EIF5A: variants seen among roughly 807,000 people sequenced by gnomAD.
The protein encoded by EIF5A is eukaryotic translation initiation factor 5A.
In EIF5A, 1 loss-of-function variant was observed where a neutral mutation model predicts 16.6. The observed-to-expected ratio is 0.06, with a 90% CI of 0.02 to 0.28. EIF5A has a LOEUF of 0.28. EIF5A is among the 10% of genes least tolerant of loss of function. The probability of loss-of-function intolerance (pLI) is 1.00; values close to 1 mark genes in which losing one functional copy is unlikely to be tolerated. For synonymous variants in EIF5A, 80 were observed against 73.6 expected (o/e 1.09, Z -0.44); for missense variants, 29 against 196.1 (o/e 0.15, Z 5.09).
rs891726130 is a variant in EIF5A, at chr17:7,311,394, C to T, written c.315C>T (p.Ser105=). Residue 105 remains serine, a synonymous_variant, in exon 4 of 6, where the codon AGC becomes AGT. Transcript: ENST00000336458. The part of the protein sequence containing the change: ...QDGYLSLLQD[S]GEVREDLRLP... ...GGTACCTATCACTGCTCCAGGACAG[C>T]GGGGAGGTACGAGAGGACCTTCGTC... is the stretch of plus-strand genomic sequence containing the variant. The T allele has an allele frequency of 1.2e-5, 20 of 1,613,984 alleles. No homozygotes were observed. Among genetic ancestry groups the T allele is most frequent in the East Asian group, 1.1e-4 (5 of 44,892 alleles).
At chr17:7,307,080 A>T (rs771109127), upstream of EIF5A, 21 of 1,604,044 alleles carry the variant, frequency 1.3e-5, no homozygotes, top group East Asian at 3.8e-4. Flanking sequence ...TTCCAAGACA[A>T]GGCGCCCACC....
chr17:7,309,930 G>C (rs137980611), intron 2 of EIF5A, 130 bp downstream of exon 2: 1 of 1,579,712 alleles, frequency 6.3e-7, no homozygotes, highest in Non-Finnish European at 8.6e-7. Flanking sequence ...TTTGTTTAGC[G>C]CTCAGCCTTC....
rs966224253 is a variant in EIF5A at position 7,310,612 on chromosome 17, C to T, written c.166-406C>T. The T allele has an allele frequency of 1.2e-5, 12 of 985,250 alleles. No individual in the cohort carries two copies. The African/African-American group carries it at 1.7e-4, about 14-fold the overall frequency. The allele number at this position is 985,250 out of a possible 1,614,324, so 61.0% of individuals were successfully genotyped here. A position where few individuals can be genotyped will look rare whatever the true frequency, so the allele number is the denominator to read the frequency against. On this transcript the variant is annotated intron_variant, in intron 2 of 5. Coordinates refer to ENST00000336458, the MANE Select transcript of EIF5A (RefSeq NM_001970.5). ...TGCAAGTCCTTTTCTTCAGCTCTTT[C>T]ACATTTCTTAGTTTCTTATCCTTTC...
rs966194533 is a variant in EIF5A, at chr17:7,310,791, T to C, written c.166-227T>C. 3.0e-6 allele frequency: 3 copies of C among 985,278 alleles called. No individual in the cohort carries two copies. The African/African-American group carries it at 5.2e-5, about 17-fold the overall frequency. The allele number at this position is 985,278 out of a possible 1,614,324, so 61.0% of individuals were successfully genotyped here. ...TGTCTTCTCCAAGCCTGCCATGCAGTTTTCTATTGTGCTGTCAACCCCAAT... is the reference window on the plus strand; with the variant it reads ...TGTCTTCTCCAAGCCTGCCATGCAGCTTTCTATTGTGCTGTCAACCCCAAT... On this transcript the variant is annotated intron_variant, in intron 2 of 5. Coordinates refer to ENST00000336458, the MANE Select transcript of EIF5A (RefSeq NM_001970.5).
chr17:7,310,417 G>C (rs1047609401), intron 2 of EIF5A: 2 of 1,181,830 alleles, frequency 1.7e-6, no homozygotes, highest in African/African-American at 3.2e-5. Flanking sequence ...TGTCTCTTTA[G>C]AATTTCAACC....
At chr17:7,308,248 C>T in intron 1 of EIF5A, 2 of 1,042,496 alleles carry the variant, frequency 1.9e-6, no homozygotes, top group Non-Finnish European at 2.3e-6. Context: ...AAGTGCCCCC[C>T]ACGGGAGGCT....
chr17:7,307,037 T>A, upstream of EIF5A: 1 of 1,589,146 alleles, frequency 6.3e-7, no homozygotes, highest in South Asian at 1.2e-5. Context: ...CGGAAAGACA[T>A]CTCCCGCGCA....
chr17:7,307,681 C>T lies in EIF5A; in HGVS notation c.-93C>T. 2.9e-6 allele frequency: 3 copies of T among 1,048,192 alleles called. No homozygotes were observed. Among genetic ancestry groups the T allele is most frequent in the Non-Finnish European group, 3.4e-6 (3 of 870,634 alleles). 64.9% of individuals were successfully genotyped at this position (1,048,192 alleles called of 1,614,324 possible). On this transcript the variant is annotated 5_prime_UTR_variant, in exon 1 of 6. Transcript: ENST00000336458. Reference sequence around the variant, plus strand: ...GCGGCGGTAGAGGCGGCGGCGGCGGCGGCAGCGGGCTCGGAGGCAGCGGTT... The same window carrying T: ...GCGGCGGTAGAGGCGGCGGCGGCGGTGGCAGCGGGCTCGGAGGCAGCGGTT...
intron 1 of EIF5A, among the ~76,000 whole-genome samples, chr17:7,309,051 C>T (rs967770351): frequency 1.3e-5 from 2 of 151,834 alleles, no homozygotes; most frequent in Middle Eastern, 3.4e-3. Flanking sequence ...TGGCTTGTTG[C>T]AAGTGCATGT....
chr17:7,311,699 C>T, intron 5 of EIF5A, 48 bp downstream of exon 5: 1 of 1,609,798 alleles, frequency 6.2e-7, no homozygotes, highest in Non-Finnish European at 8.5e-7. Flanking sequence ...TTGTTGTCCT[C>T]AGCAGAGCTG....
chr17:7,311,809 C>A lies in EIF5A; in HGVS notation c.*12-13C>A. The A allele has an allele frequency of 9.7e-7, 1 of 1,031,780 alleles. No individual in the cohort carries two copies. Among genetic ancestry groups the A allele is most frequent in the Non-Finnish European group, 1.4e-6 (1 of 699,902 alleles). 63.9% of individuals were successfully genotyped at this position (1,031,780 alleles called of 1,614,324 possible). A position where few individuals can be genotyped will look rare whatever the true frequency, so the allele number is the denominator to read the frequency against. ...GTATTATCCTGTCTTACTAATTTCT[C>A]TCTCCTACCTAGGGTGGCGGTGGTG... is the stretch of plus-strand genomic sequence containing the variant. On this transcript the variant is annotated splice_polypyrimidine_tract_variant and intron_variant, in intron 5 of 5. Transcript: ENST00000336458.
At chr17:7,309,581 T>TGC (rs1174896981) in intron 1 of EIF5A, 34 bp from the exon 2 acceptor site, 5 of 1,612,990 alleles carry the variant, frequency 3.1e-6, no homozygotes, top group Non-Finnish European at 4.2e-6. Context: ...TTGACCTCCA[T>TGC]GCTTATTCAC....
chr17:7,307,862 A>C (rs2072672326), intron 1 of EIF5A, 110 bp downstream of exon 1: 1 of 982,336 alleles, frequency 1.0e-6, no homozygotes, highest in African/African-American at 1.8e-5. Context: ...CCGCCGCCGC[A>C]CGGGTTCGGC....
chr17:7,308,554 G>A (rs575484403), intron 1 of EIF5A: 3 of 1,351,632 alleles, frequency 2.2e-6, no homozygotes, highest in African/African-American at 2.9e-5. Context: ...ACCCTCCTGT[G>A]AAGTGTGGCG....
Position 7,312,129 on chromosome 17 carries a change from T to TTTTTC in EIF5A, c.*319_*320insTTTTC, listed in dbSNP as rs60545463. On this transcript the variant is annotated 3_prime_UTR_variant, in exon 6 of 6. Transcript: ENST00000336458. ...TTAGTCTTTTTTTTTTTTTTTTTTT[T>TTTTTC]AATTCAATCTGGAATCAGAAAGCGG... is the stretch of plus-strand genomic sequence containing the variant. 1 of 145,320 alleles carries TTTTTC rather than the reference T, an allele frequency of 6.9e-6. No homozygotes were observed. The highest frequency in any genetic ancestry group is 1.5e-5 in the Non-Finnish European group (1 of 65,088). 9.0% of individuals were successfully genotyped at this position (145,320 alleles called of 1,614,324 possible). A position where few individuals can be genotyped will look rare whatever the true frequency, so the allele number is the denominator to read the frequency against.
At chr17:7,307,026 G>A, upstream of EIF5A, 6 of 1,578,022 alleles carry the variant, frequency 3.8e-6, no homozygotes, top group Non-Finnish European at 5.2e-6. Context: ...GAAGAGTGGG[G>A]CGGAAAGACA....
Position 7,312,129 on chromosome 17 carries a change from T to TTTTTTTAA in EIF5A, c.*319_*320insTTTTTTAA, listed in dbSNP as rs60545463. ...TTAGTCTTTTTTTTTTTTTTTTTTT[T>TTTTTTTAA]AATTCAATCTGGAATCAGAAAGCGG... On this transcript the variant is annotated 3_prime_UTR_variant, in exon 6 of 6. Coordinates refer to ENST00000336458, the MANE Select transcript of EIF5A (RefSeq NM_001970.5). 5.5e-5 allele frequency: 8 copies of TTTTTTTAA among 145,318 alleles called. No homozygotes were observed. The highest frequency in any genetic ancestry group is 1.1e-4 in the Non-Finnish European group (7 of 65,086). 9.0% of individuals were successfully genotyped at this position (145,318 alleles called of 1,614,324 possible).
Position 7,307,756 on chromosome 17 carries a change from A to G in EIF5A, c.-22+4A>G, listed in dbSNP as rs961920653. The stretch of plus-strand genomic sequence containing the variant: ...CGAGTCAGTGCGTTCGCGCGAGGTG[A>G]GAGCGGGCAGGGCGCGTGTGCGCGG... On this transcript the variant is annotated splice_donor_region_variant and intron_variant, in intron 1 of 5. Transcript: ENST00000336458. The G allele has an allele frequency of 3.0e-6, 3 of 999,038 alleles. No individual in the cohort carries two copies. Among genetic ancestry groups the G allele is most frequent in the Non-Finnish European group, 3.6e-6 (3 of 840,872 alleles). 61.9% of individuals were successfully genotyped at this position (999,038 alleles called of 1,614,324 possible).
chr17:7,307,779 C>T, intron 1 of EIF5A, 27 bp downstream of exon 1: 1 of 981,096 alleles, frequency 1.0e-6, no homozygotes, highest in Non-Finnish European at 1.2e-6. Flanking sequence ...CGCGTGTGCG[C>T]GGTACCTTGG....
Sources: gnomAD v4.1 joint callset for allele counts (sites outside exome capture counted in the v4.1 genomes callset) on GRCh38, gnomAD v4.1.1 for gene constraint, MANE v1.5 for transcripts, NCBI Gene and HGNC (gene_info 2026-07-23, HGNC 2026-07-21) for gene names.